Variants in HCN1 observed in about 807,000 individuals in gnomAD.
HCN1 encodes hyperpolarization activated cyclic nucleotide gated potassium channel 1.
HCN1 carries 13 observed loss-of-function variants against 78.9 expected under a neutral mutation model. The ratio of observed to expected loss-of-function variants is 0.16; its 90% confidence interval spans 0.11 to 0.26. HCN1 has a LOEUF of 0.26. Ranked by LOEUF, HCN1 falls within the 10% of genes least tolerant of loss-of-function variation. The pLI is 1.00. For synonymous variants in HCN1, 552 were observed against 455.5 expected, an observed-to-expected ratio of 1.21 and a Z score of -2.70; for missense variants, 810 against 1,154.3, an observed-to-expected ratio of 0.70 and a Z score of 4.32.
intron 2 of HCN1, among the ~76,000 whole-genome samples, chr5:45,492,981 T>G (rs528173141): frequency 2.6e-5 from 4 of 152,246 alleles, no homozygotes; most frequent in Admixed American, 2.6e-4. Flanking sequence ...CCAGGATAAC[T>G]CATAAAATGT....
At chr5:45,472,393 G>T (rs1016297239) in intron 2 of HCN1, among the ~76,000 whole-genome samples, 7 of 151,768 alleles carry the variant, frequency 4.6e-5, no homozygotes, top group Non-Finnish European at 1.0e-4. Context: ...TTATGTGTCT[G>T]TGTTCTTACT....
intron 6 of HCN1, among the ~76,000 whole-genome samples, chr5:45,276,016 A>G (rs1475651046): frequency 6.6e-6 from 1 of 152,076 alleles, no homozygotes; most frequent in East Asian, 1.9e-4. Flanking sequence ...GGTACCTCCA[A>G]TGTGTTTTTT....
chr5:45,632,737 A>G (rs1039028885), intron 2 of HCN1, among the ~76,000 whole-genome samples: 1 of 152,020 alleles, frequency 6.6e-6, no homozygotes, highest in African/African-American at 2.4e-5. Flanking sequence ...GAAAGAATGC[A>G]TTGGTTTTTC....
At chr5:45,629,262 C>A (rs539791923) in intron 2 of HCN1, among the ~76,000 whole-genome samples, 60 of 152,072 alleles carry the variant, frequency 3.9e-4, no homozygotes, top group African/African-American at 1.3e-3. Context: ...ATATCCTTTT[C>A]TCAAGAACTG....
intron 2 of HCN1, among the ~76,000 whole-genome samples, chr5:45,469,556 G>A (rs62369082): frequency 0.052 from 7,865 of 151,902 alleles, 286 homozygotes; most frequent in East Asian, 0.14. Context: ...AATGATGTTT[G>A]TCTGAAGATT....
At chr5:45,309,893 G>A (rs1561099071) in intron 5 of HCN1, among the ~76,000 whole-genome samples, 1 of 152,064 alleles carries the variant, frequency 6.6e-6, no homozygotes, top group Non-Finnish European at 1.5e-5. Flanking sequence ...ATAAGTTAGG[G>A]AGGACTCCCT....
At chr5:45,689,381 A>G (rs1739865414) in intron 1 of HCN1, among the ~76,000 whole-genome samples, 1 of 152,120 alleles carries the variant, frequency 6.6e-6, no homozygotes, top group Non-Finnish European at 1.5e-5. Context: ...GGAATGTAAA[A>G]CTGAGTAAGA....
intron 6 of HCN1, among the ~76,000 whole-genome samples, chr5:45,279,643 A>G (rs1453508858): frequency 6.6e-6 from 1 of 152,126 alleles, no homozygotes; most frequent in Non-Finnish European, 1.5e-5. Context: ...AAAATCTCAT[A>G]TGTTCCTTGC....
At chr5:45,467,677 T>G (rs929737965) in intron 2 of HCN1, among the ~76,000 whole-genome samples, 1 of 152,032 alleles carries the variant, frequency 6.6e-6, no homozygotes. Context: ...CAACCCATTC[T>G]CTCTTTCTAC....
At chr5:45,583,683 A>G (rs755386558) in intron 2 of HCN1, among the ~76,000 whole-genome samples, 1 of 151,676 alleles carries the variant, frequency 6.6e-6, no homozygotes, top group African/African-American at 2.4e-5. Flanking sequence ...ATTTCCCTCT[A>G]CACACTGCTC....
Position 45,455,760 on chromosome 5 carries a change from CAAAA to C in HCN1, c.1011+6082_1011+6085del, listed in dbSNP as rs571706502. ...CAAATTAAGACATGCTTCTGGAACT[CAAAA>C]AAAAAAAAAAAAAAAAAAGGGTTGA... On this transcript the variant is annotated intron_variant, in intron 3 of 7. Coordinates refer to ENST00000303230, the MANE Select transcript of HCN1 (RefSeq NM_021072.4). 5.9e-3 allele frequency among the ~76,000 whole-genome samples: 352 copies of C among 59,846 alleles called. 1 individual carries two copies. The highest frequency in any genetic ancestry group is 0.022 in the Middle Eastern group (2 of 92). The allele number at this position is 59,846 out of a possible 152,430, so 39.3% of individuals were successfully genotyped here.
intron 4 of HCN1, among the ~76,000 whole-genome samples, chr5:45,375,932 T>A (rs1427410045): frequency 1.7e-4 from 21 of 121,550 alleles, no homozygotes; most frequent in South Asian, 9.7e-4. Flanking sequence ...ATATATGATA[T>A]AATATTTTAT....
At chr5:45,689,683 T>C (rs1252224904) in intron 1 of HCN1, among the ~76,000 whole-genome samples, 1 of 152,124 alleles carries the variant, frequency 6.6e-6, no homozygotes, top group Non-Finnish European at 1.5e-5. Context: ...GAGTGGCATG[T>C]AATGAGGCTG....
At chr5:45,492,595 C>T (rs1226372595) in intron 2 of HCN1, among the ~76,000 whole-genome samples, 1 of 149,194 alleles carries the variant, frequency 6.7e-6, no homozygotes, top group African/African-American at 2.5e-5. Context: ...TCCACCTCCC[C>T]GGTTCAAGTG....
chr5:45,413,793 T>C (rs1425402700), intron 3 of HCN1, among the ~76,000 whole-genome samples: 6 of 151,938 alleles, frequency 3.9e-5, no homozygotes, highest in Non-Finnish European at 1.5e-5. Context: ...CAAAGACAAA[T>C]GCAATAAGGA....
At chr5:45,589,319 G>A (rs2111940728) in intron 2 of HCN1, among the ~76,000 whole-genome samples, 1 of 152,260 alleles carries the variant, frequency 6.6e-6, no homozygotes, top group Non-Finnish European at 1.5e-5. Flanking sequence ...TGTGATATAG[G>A]GGCTAGAAAA....
intron 1 of HCN1, among the ~76,000 whole-genome samples, chr5:45,670,937 T>C (rs1746139417): frequency 6.6e-6 from 1 of 151,740 alleles, no homozygotes; most frequent in Non-Finnish European, 1.5e-5. Context: ...TACTTTATTA[T>C]AGTTACTGAT....
chr5:45,358,031 G>A (rs995093331), intron 4 of HCN1, among the ~76,000 whole-genome samples: 2 of 152,006 alleles, frequency 1.3e-5, no homozygotes, highest in African/African-American at 4.8e-5. Flanking sequence ...ATGAGTGGAA[G>A]CAGCCTGAGG....
chr5:45,561,559 G>A (rs950710962), intron 2 of HCN1, among the ~76,000 whole-genome samples: 1 of 149,600 alleles, frequency 6.7e-6, no homozygotes, highest in Non-Finnish European at 1.5e-5. Context: ...GCATAGAAAA[G>A]AATTTGACTG....
Sources: allele counts gnomAD v4.1 joint callset (sites outside exome capture counted in the v4.1 genomes callset), GRCh38; gene constraint gnomAD v4.1.1; transcripts MANE v1.5; gene names NCBI Gene and HGNC (gene_info 2026-07-23, HGNC 2026-07-21).